The following FBXL17 variants were observed in gnomAD, a reference collection of about 807,000 sequenced individuals.
FBXL17 encodes the protein F-box and leucine rich repeat protein 17.
Under a neutral mutation model 66.2 loss-of-function variants are expected in FBXL17, and 22 were observed. The observed-to-expected ratio is 0.33, with a 90% CI of 0.24 to 0.47. The LOEUF (loss-of-function observed/expected upper bound fraction) is 0.47, where lower values mean the gene tolerates loss of function less well. FBXL17 is among the 20% of genes least tolerant of loss of function. FBXL17 has a pLI of 1.00. For synonymous variants in FBXL17, 474 were observed against 400.5 expected, an observed-to-expected ratio of 1.18 and a Z score of -2.19; for missense variants, 878 against 948.2, an observed-to-expected ratio of 0.93 and a Z score of 0.97.
intron 6 of FBXL17, among the ~76,000 whole-genome samples, chr5:108,142,852 G>C (rs1751404640): frequency 6.6e-6 from 1 of 152,014 alleles, no homozygotes; most frequent in Non-Finnish European, 1.5e-5. Flanking sequence ...TCTTACAGTG[G>C]ACGGATAGCA....
At chr5:108,063,655 T>A (rs2112848864) in intron 6 of FBXL17, among the ~76,000 whole-genome samples, 1 of 152,280 alleles carries the variant, frequency 6.6e-6, no homozygotes, top group East Asian at 1.9e-4. Context: ...ATATATACAT[T>A]CATTAAAATG....
chr5:107,939,056 A>G (rs1580729924), intron 7 of FBXL17, among the ~76,000 whole-genome samples: 1 of 152,240 alleles, frequency 6.6e-6, no homozygotes. Flanking sequence ...GTCCAAACCA[A>G]CATTCCTGAC....
intron 4 of FBXL17, among the ~76,000 whole-genome samples, chr5:108,294,459 A>C (rs1257463598): frequency 6.6e-6 from 1 of 151,932 alleles, no homozygotes; most frequent in Non-Finnish European, 1.5e-5. Flanking sequence ...GCTAATATTA[A>C]CATTATTCAG....
chr5:108,200,277 T>C (rs963041711), intron 5 of FBXL17, among the ~76,000 whole-genome samples: 1 of 151,792 alleles, frequency 6.6e-6, no homozygotes, highest in Admixed American at 6.6e-5. Flanking sequence ...CCATAGAATA[T>C]ATATAGAGAA....
At position 108,380,873 on chromosome 5, in the gene FBXL17, T is replaced by C; in HGVS notation, c.819A>G (p.Glu273=). The change falls in exon 1 of 9, where the codon GAA becomes GAG. Residue 273 remains glutamate, a synonymous_variant. Coordinates refer to ENST00000542267, the MANE Select transcript of FBXL17 (RefSeq NM_001163315.3). ...CGGCTCGGACAGCGTCCCCGCCAGC[T>C]TCGGTGGGGGCACCTTCGGAGGTGG... is the stretch of plus-strand genomic sequence containing the variant. ...SSPTSEGAPT[E]AGGDAVRAGG... is the part of the protein sequence containing the mutation. 8.0e-7 allele frequency: 1 copy of C among 1,242,522 alleles called. No individual in the cohort carries two copies. Among genetic ancestry groups the C allele is most frequent in the Non-Finnish European group, 1.0e-6 (1 of 987,194 alleles). 77.0% of individuals were successfully genotyped at this position (1,242,522 alleles called of 1,614,324 possible). A position where few individuals can be genotyped will look rare whatever the true frequency, so the allele number is the denominator to read the frequency against.
At chr5:108,065,487 A>G (rs1270272214) in intron 6 of FBXL17, among the ~76,000 whole-genome samples, 1 of 152,216 alleles carries the variant, frequency 6.6e-6, no homozygotes, top group Non-Finnish European at 1.5e-5. Context: ...CAACGTGGCA[A>G]TTAATCCCTT....
At chr5:108,077,148 T>C (rs1342830206) in intron 6 of FBXL17, among the ~76,000 whole-genome samples, 7 of 152,244 alleles carry the variant, frequency 4.6e-5, no homozygotes, top group Admixed American at 2.0e-4. Context: ...CTTGACTTCC[T>C]AGCCTCACTG....
chr5:108,373,430 G>C (rs978099663), intron 1 of FBXL17, among the ~76,000 whole-genome samples: 1 of 143,220 alleles, frequency 7.0e-6, no homozygotes, highest in East Asian at 2.0e-4. Flanking sequence ...TATAATGTGA[G>C]AATTATATGT....
intron 6 of FBXL17, among the ~76,000 whole-genome samples, chr5:108,081,101 A>G (rs536189756): frequency 4.6e-5 from 7 of 152,238 alleles, no homozygotes; most frequent in Admixed American, 2.0e-4. Context: ...AACTGACTCT[A>G]CACTAGAGTC....
At chr5:108,304,499 A>G (rs527943437) in intron 4 of FBXL17, among the ~76,000 whole-genome samples, 5 of 152,144 alleles carry the variant, frequency 3.3e-5, no homozygotes, top group African/African-American at 1.2e-4. Context: ...TACTTAAATG[A>G]AACTAAGATT....
chr5:108,378,683 G>A (rs920890942), intron 1 of FBXL17, among the ~76,000 whole-genome samples: 4 of 152,118 alleles, frequency 2.6e-5, no homozygotes, highest in African/African-American at 9.7e-5. Context: ...ATCTCTTCGT[G>A]GTGTGGCGTA....
intron 1 of FBXL17, 106 bp from the exon 2 acceptor site, chr5:108,368,059 CT>C (rs1748786782): frequency 9.0e-7 from 1 of 1,116,978 alleles, no homozygotes; most frequent in Non-Finnish European, 1.3e-6. Context: ...AGAAAACCTT[CT>C]TGAATAAAAG....
At chr5:107,984,075 T>A (rs1479866239) in intron 7 of FBXL17, among the ~76,000 whole-genome samples, 2 of 152,090 alleles carry the variant, frequency 1.3e-5, no homozygotes, top group Non-Finnish European at 2.9e-5. Context: ...TTAATTTCTA[T>A]CACAGGCAGA....
rs115537892 is a variant in FBXL17 at position 108,258,911 on chromosome 5, A to G, written c.1507-34683T>C. Reference sequence around the variant, plus strand: ...AACCAATAGAAAAACTAAACATAATAAACATAATAGATAAAGCTAGACATA... The same window carrying G: ...AACCAATAGAAAAACTAAACATAATGAACATAATAGATAAAGCTAGACATA... On this transcript the variant is annotated intron_variant, in intron 4 of 8. Coordinates refer to ENST00000542267, the MANE Select transcript of FBXL17 (RefSeq NM_001163315.3). Among the ~76,000 whole-genome samples the G allele has an allele frequency of 6.9e-3, 1,044 of 152,218 alleles. 17 individuals are homozygous for G. The highest frequency in any genetic ancestry group is 0.024 in the African/African-American group (985 of 41,528).
chr5:108,225,229 G>GT (rs765563928), intron 4 of FBXL17, among the ~76,000 whole-genome samples: 2 of 152,106 alleles, frequency 1.3e-5, no homozygotes, highest in Non-Finnish European at 2.9e-5. Flanking sequence ...CATCCATGTT[G>GT]TAATATGTGT....
chr5:108,041,937 G>A (rs1042666108), intron 6 of FBXL17, among the ~76,000 whole-genome samples: 8 of 151,822 alleles, frequency 5.3e-5, no homozygotes, highest in Admixed American at 1.3e-4. Context: ...AGTTTCGCTC[G>A]TTTCCCATCT....
At chr5:108,357,535 T>G (rs1379159030) in intron 3 of FBXL17, among the ~76,000 whole-genome samples, 14 of 152,072 alleles carry the variant, frequency 9.2e-5, no homozygotes. Context: ...ATACACATTC[T>G]TCTCTAACGC....
intron 5 of FBXL17, among the ~76,000 whole-genome samples, chr5:108,221,176 A>G (rs1479373546): frequency 2.0e-5 from 3 of 152,200 alleles, no homozygotes; most frequent in Admixed American, 2.0e-4. Context: ...TACAAAGTAA[A>G]CGGGAATCCA....
chr5:108,043,328 C>T (rs78463157), intron 6 of FBXL17, among the ~76,000 whole-genome samples: 1 of 151,944 alleles, frequency 6.6e-6, no homozygotes, highest in Non-Finnish European at 1.5e-5. Flanking sequence ...TTTTTCCCCC[C>T]CTAGGTTTCT....
Sources: allele counts gnomAD v4.1 joint callset (sites outside exome capture counted in the v4.1 genomes callset), GRCh38; gene constraint gnomAD v4.1.1; transcripts MANE v1.5; gene names NCBI Gene and HGNC (gene_info 2026-07-23, HGNC 2026-07-21).